Variants in PDE8B observed in about 807,000 individuals in gnomAD.
PDE8B encodes high affinity cAMP-specific and IBMX-insensitive 3',5'-cyclic phosphodiesterase 8B.
A neutral mutation model predicts 101.3 loss-of-function variants in PDE8B; 26 were observed. The ratio of observed to expected loss-of-function variants is 0.26; its 90% confidence interval spans 0.19 to 0.36. The LOEUF (loss-of-function observed/expected upper bound fraction) is 0.36, where lower values mean the gene tolerates loss of function less well. Ranked by LOEUF, PDE8B falls within the 10% of genes least tolerant of loss-of-function variation. The probability of loss-of-function intolerance (pLI) is 1.00; values close to 1 mark genes in which losing one functional copy is unlikely to be tolerated. For synonymous variants in PDE8B, 424 were observed against 429.3 expected (o/e 0.99, Z 0.15); for missense variants, 810 against 1,163.1 (o/e 0.70, Z 4.42).
At chr5:77,398,727 A>G (rs335599) in intron 10 of PDE8B, among the ~76,000 whole-genome samples, 128,591 of 152,238 alleles carry the variant, frequency 0.84, 54,832 homozygotes, top group African/African-American at 0.96. Context: ...GATGGTTGGC[A>G]CTCAGTTCAC....
At chr5:77,419,675 C>T (rs1236059462) in intron 18 of PDE8B, 92 bp from the exon 19 acceptor site, 2 of 1,451,138 alleles carry the variant, frequency 1.4e-6, no homozygotes, top group Admixed American at 3.4e-5. Context: ...CAGCTTCCTC[C>T]TAGGTTGTGA....
chr5:77,247,525 G>A (rs1219891397), intron 1 of PDE8B, among the ~76,000 whole-genome samples: 1 of 152,196 alleles, frequency 6.6e-6, no homozygotes, highest in African/African-American at 2.4e-5. Context: ...TGTGTGACCT[G>A]CTGAGGGCCT....
intron 1 of PDE8B, chr5:77,291,785 AG>A: frequency 6.3e-7 from 1 of 1,575,218 alleles, no homozygotes; most frequent in South Asian, 1.1e-5. Context: ...CTCTGGCCCA[AG>A]GAATCAAGTT....
In PDE8B at chr5:77,328,984, C is replaced by G. The variant is rs1241955459; in HGVS notation, c.591-14C>G. The stretch of plus-strand genomic sequence containing the variant: ...CCAGATCACCTTGTTTGACTTGGAG[C>G]CTTCTCATTGCAGGTCGATCCGGGC... On this transcript the variant is annotated splice_polypyrimidine_tract_variant and intron_variant, in intron 3 of 21. Coordinates refer to ENST00000264917, the MANE Select transcript of PDE8B (RefSeq NM_003719.5). 4 of 1,611,802 alleles carry G rather than the reference C, an allele frequency of 2.5e-6. No homozygotes were observed. In the African/African-American group the frequency reaches 4.0e-5, roughly 16 times the overall value.
chr5:77,358,224 A>G (rs1272347239), intron 10 of PDE8B, among the ~76,000 whole-genome samples: 1 of 152,250 alleles, frequency 6.6e-6, no homozygotes, highest in Non-Finnish European at 1.5e-5. Flanking sequence ...CTAAGTAGTG[A>G]TAAAAACAAA....
At chr5:77,276,460 CAT>C (rs1369755260) in intron 1 of PDE8B, among the ~76,000 whole-genome samples, 1 of 152,202 alleles carries the variant, frequency 6.6e-6, no homozygotes, top group African/African-American at 2.4e-5. Flanking sequence ...CTGTCATTCT[CAT>C]GTTTGTTTGC....
chr5:77,329,087 G>A (rs986929584), intron 4 of PDE8B, 30 bp downstream of exon 4: 2 of 1,547,414 alleles, frequency 1.3e-6, no homozygotes, highest in African/African-American at 2.7e-5. Context: ...CCAGATGGAA[G>A]GAGTACTGTT....
chr5:77,335,346 G>GT (rs2150324220), intron 5 of PDE8B, among the ~76,000 whole-genome samples: 1 of 152,280 alleles, frequency 6.6e-6, no homozygotes, highest in Non-Finnish European at 1.5e-5. Flanking sequence ...ATCTAACCAT[G>GT]TTTAACTTTG....
intron 10 of PDE8B, among the ~76,000 whole-genome samples, chr5:77,381,241 C>A (rs1227997583): frequency 2.0e-5 from 3 of 152,184 alleles, no homozygotes; most frequent in African/African-American, 7.2e-5. Flanking sequence ...TGAGAATAGA[C>A]TGGGTTGGGC....
At chr5:77,186,185 AG>A in the PDE8B span, among the ~76,000 whole-genome samples, 1 of 152,160 alleles carries the variant, frequency 6.6e-6, no homozygotes, top group Admixed American at 6.5e-5. Flanking sequence ...ACAAGCTCCC[AG>A]GGCTTCCCTG....
chr5:77,363,555 T>C (rs527822433), intron 10 of PDE8B, among the ~76,000 whole-genome samples: 2 of 151,688 alleles, frequency 1.3e-5, no homozygotes, highest in Admixed American at 6.6e-5. Context: ...CTACTAAAAA[T>C]ACAAAAAGTA....
the PDE8B span, among the ~76,000 whole-genome samples, chr5:77,201,469 G>GGA: frequency 0.016 from 2,477 of 152,250 alleles, 72 homozygotes; most frequent in African/African-American, 0.057. Flanking sequence ...CATGTTCTGG[G>GGA]GAGAGTTCAG....
At chr5:77,343,420 G>A (rs11748016) in intron 6 of PDE8B, among the ~76,000 whole-genome samples, 28,156 of 152,186 alleles carry the variant, frequency 0.19, 3,344 homozygotes, top group Middle Eastern at 0.32. Context: ...GCATGTTACT[G>A]TACTGAATAC....
At chr5:77,362,621 C>T (rs1446114659) in intron 10 of PDE8B, among the ~76,000 whole-genome samples, 1 of 152,242 alleles carries the variant, frequency 6.6e-6, no homozygotes, top group Non-Finnish European at 1.5e-5. Flanking sequence ...GTGAAGGGCT[C>T]AGTGGTGGTT....
At chr5:77,170,212 T>TTTCCTTAGG in the PDE8B span, among the ~76,000 whole-genome samples, 1 of 152,192 alleles carries the variant, frequency 6.6e-6, no homozygotes, top group South Asian at 2.1e-4. Flanking sequence ...ATAGGTTAGG[T>TTTCCTTAGG]TTTTGGAGCC....
chr5:77,377,066 A>C (rs1786275256), intron 10 of PDE8B, among the ~76,000 whole-genome samples: 1 of 152,234 alleles, frequency 6.6e-6, no homozygotes, highest in Non-Finnish European at 1.5e-5. Context: ...GTCACTGAGC[A>C]GCAAGGGGAC....
Position 77,407,722 on chromosome 5 carries a change from T to C in PDE8B, c.1365+265T>C, listed in dbSNP as rs567431416. ...TGGTCAGGGAAACTCTCAGTCATGT[T>C]TGAAGCAAGTCTTGAAGCATAAGAT... On this transcript the variant is annotated intron_variant, in intron 13 of 21. Transcript: ENST00000264917. Among the ~76,000 whole-genome samples the C allele has an allele frequency of 1.5e-3, 235 of 152,296 alleles. 3 individuals are homozygous for C. Among genetic ancestry groups the C allele is most frequent in the African/African-American group, 5.6e-3 (231 of 41,580 alleles).
intron 1 of PDE8B, among the ~76,000 whole-genome samples, chr5:77,251,523 G>A (rs1758053292): frequency 6.6e-6 from 1 of 152,168 alleles, no homozygotes; most frequent in African/African-American, 2.4e-5. Flanking sequence ...CCAATTGCTT[G>A]GGAATTGTTG....
At chr5:77,413,579 T>C (rs186929591) in intron 17 of PDE8B, among the ~76,000 whole-genome samples, 1 of 152,310 alleles carries the variant, frequency 6.6e-6, no homozygotes, top group Non-Finnish European at 1.5e-5. Flanking sequence ...ATTTTCCAAA[T>C]GTTAGCTAGG....
Sources: gnomAD v4.1 joint callset for allele counts (sites outside exome capture counted in the v4.1 genomes callset) on GRCh38, gnomAD v4.1.1 for gene constraint, MANE v1.5 for transcripts, NCBI Gene and HGNC (gene_info 2026-07-23, HGNC 2026-07-21) for gene names.